MYBL1: variants seen among roughly 807,000 people sequenced by gnomAD.
The protein encoded by MYBL1 is MYB proto-oncogene like 1, also known as myb-related protein A.
Under a neutral mutation model 96.3 loss-of-function variants are expected in MYBL1, and 17 were observed. The ratio of observed to expected loss-of-function variants is 0.18; its 90% CI spans 0.12 to 0.26. The LOEUF is 0.26. Ranked by LOEUF, MYBL1 falls within the 10% of genes least tolerant of loss-of-function variation. The pLI, the probability that MYBL1 is intolerant of heterozygous loss-of-function variation, is 1.00. For synonymous variants in MYBL1, 282 were observed against 292.7 expected (o/e 0.96, Z 0.37); for missense variants, 701 against 882.9 (o/e 0.79, Z 2.61).
At chr8:66,575,153 C>A (rs1808884737) in intron 10 of MYBL1, among the ~76,000 whole-genome samples, 1 of 152,102 alleles carries the variant, frequency 6.6e-6, no homozygotes, top group African/African-American at 2.4e-5. Context: ...AGGGATATTA[C>A]AAGAGGAGAA....
chr8:66,564,557 T>C lies in MYBL1; in HGVS notation c.*140A>G, dbSNP rs1456232758. The stretch of plus-strand genomic sequence containing the variant: ...TGACTTACTAGCTTTCTGCCTACTA[T>C]ATAGAATAGAAAAAAGATGCTGTAT... On this transcript the variant is annotated 3_prime_UTR_variant, in exon 16 of 16. Transcript: ENST00000522677. 5.5e-6 allele frequency: 3 copies of C among 550,332 alleles called. No homozygotes were observed. In the East Asian group the frequency reaches 1.0e-4, roughly 19 times the overall value. The allele number at this position is 550,332 out of a possible 1,614,324, so 34.1% of individuals were successfully genotyped here.
At position 66,593,102 on chromosome 8, in the gene MYBL1, G is replaced by A. The variant is rs375506852; in HGVS notation, c.762+18C>T. The A allele has an allele frequency of 4.3e-5, 64 of 1,503,750 alleles. No individual in the cohort carries two copies. The highest frequency in any genetic ancestry group is 1.7e-4 in the East Asian group (7 of 42,318). The allele number at this position is 1,503,750 out of a possible 1,614,324, so 93.2% of individuals were successfully genotyped here. Reference sequence around the variant, plus strand: ...ACTGAACACATTTCCTTTGGTTTTCGTTATAAATAAAAGTTACCTGAATAA... The same window carrying A: ...ACTGAACACATTTCCTTTGGTTTTCATTATAAATAAAAGTTACCTGAATAA... On this transcript the variant is annotated intron_variant, in intron 7 of 15. Transcript: ENST00000522677.
In MYBL1 at chr8:66,612,919, C is replaced by G. The variant is rs1209585324; in HGVS notation, c.-81G>C. The G allele has an allele frequency of 1.5e-6, 2 of 1,300,652 alleles. No homozygotes were observed. Among genetic ancestry groups the G allele is most frequent in the African/African-American group, 3.0e-5 (2 of 65,946 alleles). 80.6% of individuals were successfully genotyped at this position (1,300,652 alleles called of 1,614,324 possible). A position where few individuals can be genotyped will look rare whatever the true frequency, so the allele number is the denominator to read the frequency against. ...GCCTCCGGCGAATGCTCCTTCTCCC[C>G]GATCCTCTAGCCGCTTCCCTCGCTC... On this transcript the variant is annotated 5_prime_UTR_variant, in exon 1 of 16. Coordinates refer to ENST00000522677, the MANE Select transcript of MYBL1 (RefSeq NM_001080416.4).
chr8:66,596,169 C>A (rs1246115528), intron 5 of MYBL1, among the ~76,000 whole-genome samples: 1 of 151,910 alleles, frequency 6.6e-6, no homozygotes, highest in African/African-American at 2.4e-5. Context: ...TAGAACAAAC[C>A]AGCTATACGA....
chr8:66,613,101 G>A lies in MYBL1; in HGVS notation c.-263C>T. 2.5e-6 allele frequency: 1 copy of A among 404,960 alleles called. No homozygotes were observed. The highest frequency in any genetic ancestry group is 4.4e-5 in the Admixed American group (1 of 22,734). 25.1% of individuals were successfully genotyped at this position (404,960 alleles called of 1,614,324 possible). ...GGATACCCCCAACATGTCAGGAGGC[G>A]CGATCCCGCCCTCCGCCGGCTTCTC... On this transcript the variant is annotated 5_prime_UTR_variant, in exon 1 of 16. Coordinates refer to ENST00000522677, the MANE Select transcript of MYBL1 (RefSeq NM_001080416.4).
intron 10 of MYBL1, among the ~76,000 whole-genome samples, chr8:66,575,696 G>A (rs570223568): frequency 1.6e-4 from 24 of 152,060 alleles, no homozygotes; most frequent in Admixed American, 4.6e-4. Flanking sequence ...GGGCTGAGGC[G>A]GGAAGATCAC....
intron 8 of MYBL1, among the ~76,000 whole-genome samples, chr8:66,591,035 T>C (rs530591187): frequency 2.0e-5 from 3 of 152,288 alleles, no homozygotes; most frequent in African/African-American, 7.2e-5. Context: ...CACGAATATG[T>C]ACAATTATTT....
chr8:66,575,289 A>G (rs1256596295), intron 10 of MYBL1, among the ~76,000 whole-genome samples: 1 of 152,196 alleles, frequency 6.6e-6, no homozygotes, highest in Non-Finnish European at 1.5e-5. Flanking sequence ...AAACTAAACA[A>G]ATTACTCTAA....
chr8:66,612,770 C>G, intron 1 of MYBL1, 49 bp downstream of exon 1: 3 of 1,346,950 alleles, frequency 2.2e-6, no homozygotes, highest in Non-Finnish European at 2.9e-6. Flanking sequence ...GAAAGAGAAT[C>G]TGAGCCGAGA....
chr8:66,571,080 CA>C lies in MYBL1; in HGVS notation c.1728+1401del, dbSNP rs1369050035. 4.1e-4 allele frequency among the ~76,000 whole-genome samples: 62 copies of C among 151,852 alleles called. 1 individual carries two copies. Among genetic ancestry groups the C allele is most frequent in the Admixed American group, 4.1e-3 (62 of 15,242 alleles). On this transcript the variant is annotated intron_variant, in intron 12 of 15. Transcript: ENST00000522677. ...ACTAGAATTTGTTAATGAATCTAAC[CA>C]AAAAGTGACTAAAAATAGAAGAACA...
intron 1 of MYBL1, among the ~76,000 whole-genome samples, chr8:66,603,882 C>G (rs1810203075): frequency 6.6e-6 from 1 of 151,514 alleles, no homozygotes; most frequent in African/African-American, 2.4e-5. Context: ...TCCATTCTCC[C>G]TAATTCATAA....
intron 8 of MYBL1, among the ~76,000 whole-genome samples, chr8:66,584,621 G>A (rs960703122): frequency 6.6e-6 from 1 of 152,096 alleles, no homozygotes; most frequent in African/African-American, 2.4e-5. Flanking sequence ...CACTTTGGGA[G>A]GACAAAGCAG....
At chr8:66,602,746 T>A (rs1321920301) in intron 1 of MYBL1, among the ~76,000 whole-genome samples, 7 of 105,886 alleles carry the variant, frequency 6.6e-5, no homozygotes, top group African/African-American at 2.7e-4. Context: ...TTTTTTTTTT[T>A]TTTTTTTTTT....
chr8:66,603,100 G>T (rs1241801142), intron 1 of MYBL1, among the ~76,000 whole-genome samples: 2 of 151,952 alleles, frequency 1.3e-5, no homozygotes, highest in East Asian at 3.9e-4. Context: ...GCCACTACGG[G>T]AAAAATCATA....
At chr8:66,611,502 T>C (rs1480721125) in intron 1 of MYBL1, among the ~76,000 whole-genome samples, 2 of 152,184 alleles carry the variant, frequency 1.3e-5, no homozygotes, top group Admixed American at 6.5e-5. Flanking sequence ...TTTACTGTCA[T>C]GACTGAGGGA....
chr8:66,592,560 T>A lies in MYBL1; in HGVS notation c.763-16A>T, dbSNP rs780524580. 1 of 1,460,042 alleles carries A rather than the reference T, an allele frequency of 6.8e-7. No individual in the cohort carries two copies. The highest frequency in any genetic ancestry group is 1.2e-5 in the South Asian group (1 of 81,956). 90.4% of individuals were successfully genotyped at this position (1,460,042 alleles called of 1,614,324 possible). A position where few individuals can be genotyped will look rare whatever the true frequency, so the allele number is the denominator to read the frequency against. On this transcript the variant is annotated splice_polypyrimidine_tract_variant and intron_variant, in intron 7 of 15. Coordinates refer to ENST00000522677, the MANE Select transcript of MYBL1 (RefSeq NM_001080416.4). ...TGAAGGGTTGCTAAAATAAGTTAAATAAAAGAGAAAACAGGATGCTTATAT... is the reference window on the plus strand; with the variant it reads ...TGAAGGGTTGCTAAAATAAGTTAAAAAAAAGAGAAAACAGGATGCTTATAT...
At chr8:66,597,847 TAAAAAAAAA>T (rs1189665191) in intron 4 of MYBL1, among the ~76,000 whole-genome samples, 1 of 36,170 alleles carries the variant, frequency 2.8e-5, no homozygotes, top group African/African-American at 1.0e-4. Flanking sequence ...CTCCTACATC[TAAAAAAAAA>T]AAAAAAAAAA....
chr8:66,583,554 G>A (rs73248138), intron 8 of MYBL1, among the ~76,000 whole-genome samples: 15,876 of 150,410 alleles, frequency 0.11, 1,847 homozygotes, highest in African/African-American at 0.28. Flanking sequence ...AGAAATAAAC[G>A]AAATTGACAA....
At chr8:66,599,306 T>C (rs1026556918) in intron 3 of MYBL1, among the ~76,000 whole-genome samples, 164 bp from the exon 4 acceptor site, 2 of 152,202 alleles carry the variant, frequency 1.3e-5, no homozygotes, top group African/African-American at 4.8e-5. Flanking sequence ...GCCCCAATTA[T>C]GTTTTTTCTT....
Sources: allele counts gnomAD v4.1 joint callset (sites outside exome capture counted in the v4.1 genomes callset), GRCh38; gene constraint gnomAD v4.1.1; transcripts MANE v1.5; gene names NCBI Gene and HGNC (gene_info 2026-07-23, HGNC 2026-07-21).